KAZN: variants seen among roughly 807,000 people sequenced by gnomAD.
KAZN encodes the protein kazrin, periplakin interacting protein, also known as kazrin.
Under a neutral mutation model 87.4 loss-of-function variants are expected in KAZN, and 40 were observed. The ratio of observed to expected loss-of-function variants is 0.46; its 90% confidence interval spans 0.36 to 0.60. KAZN has a LOEUF of 0.60. Among genes scored for constraint, KAZN ranks in the 20% least tolerant of loss-of-function variants. The pLI is 0.00. For missense variants in KAZN, 898 were observed against 1,073.9 expected, an observed-to-expected ratio of 0.84 and a Z score of 2.29; for synonymous variants, 466 against 458.3, an observed-to-expected ratio of 1.02 and a Z score of -0.22.
intron 1 of KAZN, among the ~76,000 whole-genome samples, chr1:14,038,820 A>G (rs970484794): frequency 6.6e-6 from 1 of 152,138 alleles, no homozygotes; most frequent in Non-Finnish European, 1.5e-5. Flanking sequence ...CGTTTTTCCA[A>G]TTCCCTTTAC....
chr1:14,972,909 T>G (rs1665228902), intron 2 of KAZN, among the ~76,000 whole-genome samples: 1 of 149,724 alleles, frequency 6.7e-6, no homozygotes, highest in African/African-American at 2.5e-5. Context: ...GGAGAGGGGG[T>G]GTGGGGAACA....
At chr1:14,034,551 G>T (rs61777712) in intron 1 of KAZN, among the ~76,000 whole-genome samples, 70 of 152,256 alleles carry the variant, frequency 4.6e-4, no homozygotes, top group African/African-American at 1.7e-3. Flanking sequence ...TGAACAAGGC[G>T]TTTGCCATTT....
rs189125858 is a variant in KAZN at position 14,483,598 on chromosome 1, G to A, written c.250-115385G>A. Among the ~76,000 whole-genome samples, 152 of 152,308 alleles carry A rather than the reference G, an allele frequency of 1.0e-3. 3 individuals carry two copies. Among genetic ancestry groups the A allele is most frequent in the Middle Eastern group, 6.8e-3 (2 of 294 alleles). On this transcript the variant is annotated intron_variant, in intron 2 of 16. Coordinates refer to the KAZN transcript ENST00000636203. ...GGAACAGAGTCTTAAGAGGTTTTGC[G>A]AAAGTGTGTCTACAGCAGTTATGTT...
rs187817583 is a variant in KAZN, at chr1:15,032,874, G to A, written c.419-1875G>A. On this transcript the variant is annotated intron_variant, in intron 2 of 14. Transcript: ENST00000376030. ...TGAGGCAGGAGAATCACTCGAACCC[G>A]GGAGGCGGAGATTGCAGTGAGCCGA... Among the ~76,000 whole-genome samples the A allele has an allele frequency of 1.8e-4, 28 of 152,096 alleles. No individual in the cohort carries two copies. The East Asian group carries it at 3.5e-3, about 19-fold the overall frequency.
intron 1 of KAZN, among the ~76,000 whole-genome samples, chr1:14,877,006 T>C (rs1217800303): frequency 2.6e-5 from 4 of 152,238 alleles, no homozygotes; most frequent in African/African-American, 7.2e-5. Context: ...TACATACATG[T>C]AGAGATGCAA....
intron 1 of KAZN, among the ~76,000 whole-genome samples, chr1:14,035,562 C>A (rs1322670328): frequency 1.3e-5 from 2 of 151,594 alleles, no homozygotes; most frequent in African/African-American, 4.8e-5. Flanking sequence ...TGGGCTCAAG[C>A]AATCCTCCCA....
chr1:14,405,055 G>C (rs1413446798), intron 2 of KAZN, among the ~76,000 whole-genome samples: 1 of 152,152 alleles, frequency 6.6e-6, no homozygotes, highest in Non-Finnish European at 1.5e-5. Flanking sequence ...TGTGTGGTGG[G>C]GGGTAGGGGG....
intron 1 of KAZN, among the ~76,000 whole-genome samples, chr1:14,900,112 C>T (rs1003778556): frequency 8.5e-5 from 13 of 152,168 alleles, no homozygotes; most frequent in Admixed American, 5.2e-4. Context: ...GGGCTCAATG[C>T]TGTCTGCTCA....
At chr1:14,476,187 C>T (rs967281733) in intron 2 of KAZN, among the ~76,000 whole-genome samples, 10 of 152,142 alleles carry the variant, frequency 6.6e-5, no homozygotes, top group African/African-American at 2.4e-4. Flanking sequence ...CTAGGCTGCT[C>T]CTTGGTTGGT....
chr1:14,329,947 T>C (rs887560505), intron 2 of KAZN, among the ~76,000 whole-genome samples: 1 of 152,216 alleles, frequency 6.6e-6, no homozygotes, highest in Non-Finnish European at 1.5e-5. Flanking sequence ...AAACATGCAA[T>C]AAATAATTCC....
intron 2 of KAZN, among the ~76,000 whole-genome samples, chr1:14,483,966 G>T (rs1413211446): frequency 6.6e-6 from 1 of 152,152 alleles, no homozygotes; most frequent in East Asian, 1.9e-4. Context: ...GGTCTAATTT[G>T]ATTCTCCCGC....
At chr1:15,068,584 G>C (rs1420543554) in intron 8 of KAZN, among the ~76,000 whole-genome samples, 1 of 151,988 alleles carries the variant, frequency 6.6e-6, no homozygotes, top group Non-Finnish European at 1.5e-5. Flanking sequence ...CCTCCCTGGA[G>C]GACCGAGAGG....
intron 2 of KAZN, among the ~76,000 whole-genome samples, chr1:14,433,463 G>T (rs1354485565): frequency 1.3e-5 from 2 of 152,194 alleles, no homozygotes; most frequent in African/African-American, 4.8e-5. Context: ...ACGTGTTGAA[G>T]CCCTGTGTGA....
chr1:14,202,869 T>C (rs1041784845), intron 2 of KAZN, among the ~76,000 whole-genome samples: 1 of 151,912 alleles, frequency 6.6e-6, no homozygotes, highest in African/African-American at 2.4e-5. Context: ...ATATAAAAAG[T>C]TAGCTGGGCA....
At chr1:15,015,018 C>A (rs1161192702) in intron 2 of KAZN, among the ~76,000 whole-genome samples, 1 of 152,110 alleles carries the variant, frequency 6.6e-6, no homozygotes, top group Non-Finnish European at 1.5e-5. Context: ...AATTATAGCA[C>A]CTTCTTCAGA....
At chr1:14,596,293 C>CGTGT (rs1557823801), upstream of KAZN, among the ~76,000 whole-genome samples, 1 of 132,732 alleles carries the variant, frequency 7.5e-6, no homozygotes, top group Non-Finnish European at 1.6e-5. Flanking sequence ...GGTGTGAGTG[C>CGTGT]ACGCACACGT....
rs562508368 is a variant in KAZN at position 14,352,262 on chromosome 1, T to TC, written c.249+171671dup. On this transcript the variant is annotated intron_variant, in intron 2 of 16. Transcript: ENST00000636203. Reference sequence around the variant, plus strand: ...AATCGGATCAGCAGCATTTTTTTTTTCACTGTGGGAAGAGAGAGTCATGAA... The same window carrying TC: ...AATCGGATCAGCAGCATTTTTTTTTTCCACTGTGGGAAGAGAGAGTCATGAA... Among the ~76,000 whole-genome samples, 22 of 152,282 alleles carry TC rather than the reference T, an allele frequency of 1.4e-4. No homozygotes were observed. In the East Asian group the frequency reaches 4.0e-3, roughly 28 times the overall value.
chr1:14,596,149 C>T (rs146036573), upstream of KAZN, among the ~76,000 whole-genome samples: 6 of 152,302 alleles, frequency 3.9e-5, no homozygotes, highest in Admixed American at 6.5e-5. Flanking sequence ...CGGGCTAGGG[C>T]GGCAAGGACG....
intron 2 of KAZN, among the ~76,000 whole-genome samples, chr1:14,479,053 A>C (rs1668928559): frequency 6.6e-6 from 1 of 152,192 alleles, no homozygotes; most frequent in African/African-American, 2.4e-5. Context: ...GTCCATCTGA[A>C]GGATTAGAAA....
Sources: gnomAD v4.1 joint callset for allele counts (sites outside exome capture counted in the v4.1 genomes callset) on GRCh38, gnomAD v4.1.1 for gene constraint, MANE v1.5 for transcripts, NCBI Gene and HGNC (gene_info 2026-07-23, HGNC 2026-07-21) for gene names.